The following TENM2 variants were observed in gnomAD, a reference collection of about 807,000 sequenced individuals.
TENM2 encodes the protein teneurin-2.
A neutral mutation model predicts 245.2 loss-of-function variants in TENM2; 52 were observed. The observed-to-expected ratio is 0.21, with a 90% CI of 0.17 to 0.27. The LOEUF is 0.27. Among genes scored for constraint, TENM2 ranks in the 10% least tolerant of loss-of-function variants. The pLI, the probability that TENM2 is intolerant of heterozygous loss-of-function variation, is 1.00. For synonymous variants in TENM2, 1,363 were observed against 1,438.9 expected, an observed-to-expected ratio of 0.95 and a Z score of 1.19; for missense variants, 3,046 against 3,666.8, an observed-to-expected ratio of 0.83 and a Z score of 4.37.
chr5:167,157,732 C>A, the TENM2 span, among the ~76,000 whole-genome samples: 2 of 152,098 alleles, frequency 1.3e-5, no homozygotes, highest in Non-Finnish European at 2.9e-5. Flanking sequence ...ATTAAGTGTC[C>A]AGTGTGTTTT....
intron 25 of TENM2, chr5:168,232,364 T>C (rs1765013807): frequency 6.6e-6 from 1 of 152,194 alleles, no homozygotes; most frequent in African/African-American, 2.4e-5. Flanking sequence ...CGTCCACGCT[T>C]TGTGGGCTCT....
intron 2 of TENM2, among the ~76,000 whole-genome samples, chr5:167,474,596 C>T (rs1385703369): frequency 6.6e-6 from 1 of 151,616 alleles, no homozygotes; most frequent in African/African-American, 2.4e-5. Flanking sequence ...TCACTGCAAC[C>T]TCTGCCTCAT....
the TENM2 span, among the ~76,000 whole-genome samples, chr5:167,126,719 C>T: frequency 1.3e-5 from 2 of 151,970 alleles, no homozygotes; most frequent in Non-Finnish European, 1.5e-5. Flanking sequence ...TAAGCTAAAC[C>T]GTATCCATTT....
At chr5:167,706,611 C>A (rs961011486) in intron 2 of TENM2, among the ~76,000 whole-genome samples, 1 of 151,994 alleles carries the variant, frequency 6.6e-6, no homozygotes, top group African/African-American at 2.4e-5. Flanking sequence ...AATATTTACC[C>A]AGAGGTGGGA....
At chr5:167,990,449 TAC>T (rs1783582113) in intron 4 of TENM2, among the ~76,000 whole-genome samples, 1 of 152,224 alleles carries the variant, frequency 6.6e-6, no homozygotes, top group African/African-American at 2.4e-5. Flanking sequence ...ATGCTTTTCC[TAC>T]ACAGTGTTGC....
chr5:167,441,395 T>C (rs1764875173), intron 2 of TENM2, among the ~76,000 whole-genome samples: 1 of 152,236 alleles, frequency 6.6e-6, no homozygotes, highest in South Asian at 2.1e-4. Flanking sequence ...CCTCAATTCT[T>C]CATTTTTCAA....
intron 21 of TENM2, among the ~76,000 whole-genome samples, chr5:168,215,840 A>C (rs1300998216): frequency 6.6e-6 from 1 of 152,222 alleles, no homozygotes; most frequent in Non-Finnish European, 1.5e-5. Flanking sequence ...TGTGGGCTGG[A>C]GACAGAACAA....
chr5:167,125,460 A>G, the TENM2 span, among the ~76,000 whole-genome samples: 10 of 152,174 alleles, frequency 6.6e-5, no homozygotes, highest in African/African-American at 2.4e-4. Context: ...CTTTGATGTT[A>G]TGTAGGTGCC....
chr5:167,377,678 TC>T (rs1220781331), intron 2 of TENM2, among the ~76,000 whole-genome samples: 1 of 152,178 alleles, frequency 6.6e-6, no homozygotes. Flanking sequence ...GGTGTTAACT[TC>T]AGTAAACTTC....
At chr5:167,233,846 G>A in the TENM2 span, among the ~76,000 whole-genome samples, 1 of 151,796 alleles carries the variant, frequency 6.6e-6, no homozygotes, top group Non-Finnish European at 1.5e-5. Flanking sequence ...TGTATGACAG[G>A]CTCATATGGA....
rs566302587 is a variant in TENM2 at position 167,525,669 on chromosome 5, C to T, written c.502+150196C>T. Among the ~76,000 whole-genome samples, 6 of 152,218 alleles carry T rather than the reference C, an allele frequency of 3.9e-5. No individual in the cohort carries two copies. In the East Asian group the frequency reaches 1.2e-3, roughly 29 times the overall value. Reference sequence around the variant, plus strand: ...AATCTTTCTTCCATTTCTATGTGTTCCTGTGGTGATTTCTCACCAGGTATC... The same window carrying T: ...AATCTTTCTTCCATTTCTATGTGTTTCTGTGGTGATTTCTCACCAGGTATC... On this transcript the variant is annotated intron_variant, in intron 2 of 28. Transcript: ENST00000518659.
At chr5:167,928,821 A>C (rs1777962988) in intron 3 of TENM2, among the ~76,000 whole-genome samples, 1 of 143,454 alleles carries the variant, frequency 7.0e-6, no homozygotes, top group Non-Finnish European at 1.5e-5. Context: ...ACTTGAACCC[A>C]GGAGGCAGAG....
chr5:167,079,459 A>G, the TENM2 span, among the ~76,000 whole-genome samples: 3 of 150,980 alleles, frequency 2.0e-5, no homozygotes, highest in African/African-American at 4.9e-5. Flanking sequence ...GATTGTGGGC[A>G]TGCGCCACCA....
intron 2 of TENM2, among the ~76,000 whole-genome samples, chr5:167,835,606 G>A (rs1768915566): frequency 6.6e-6 from 1 of 152,028 alleles, no homozygotes; most frequent in South Asian, 2.1e-4. Context: ...TACATCACAT[G>A]AGCAGTGCAA....
the TENM2 span, among the ~76,000 whole-genome samples, chr5:167,100,313 A>T: frequency 6.6e-6 from 1 of 152,134 alleles, no homozygotes; most frequent in Admixed American, 6.5e-5. Flanking sequence ...TGTAGATCAG[A>T]TGCCAGTGGC....
At chr5:167,032,524 C>T in the TENM2 span, among the ~76,000 whole-genome samples, 5 of 152,268 alleles carry the variant, frequency 3.3e-5, no homozygotes, top group South Asian at 4.1e-4. Context: ...AAAGTCAGCT[C>T]GGAAGGTCAC....
At chr5:167,233,439 A>T in the TENM2 span, among the ~76,000 whole-genome samples, 1 of 152,124 alleles carries the variant, frequency 6.6e-6, no homozygotes, top group Non-Finnish European at 1.5e-5. Flanking sequence ...GAAGGGCAAA[A>T]AGCTCCTACA....
At chr5:167,163,989 T>C in the TENM2 span, among the ~76,000 whole-genome samples, 9 of 152,170 alleles carry the variant, frequency 5.9e-5, no homozygotes, top group Non-Finnish European at 8.8e-5. Context: ...TTTTCTGCAA[T>C]TGCACATCCA....
intron 13 of TENM2, among the ~76,000 whole-genome samples, chr5:168,188,860 C>G (rs1410946773): frequency 6.6e-6 from 1 of 152,164 alleles, no homozygotes; most frequent in Non-Finnish European, 1.5e-5. Flanking sequence ...CTTTGAGAAC[C>G]TCTGATTCAG....
Sources: allele counts gnomAD v4.1 joint callset (sites outside exome capture counted in the v4.1 genomes callset), GRCh38; gene constraint gnomAD v4.1.1; transcripts MANE v1.5; gene names NCBI Gene and HGNC (gene_info 2026-07-23, HGNC 2026-07-21).